The following PRCP variants were observed in gnomAD, a reference collection of about 807,000 sequenced individuals.
The protein encoded by PRCP is lysosomal Pro-X carboxypeptidase.
Under a neutral mutation model 54.2 loss-of-function variants are expected in PRCP, and 46 were observed. The ratio of observed to expected loss-of-function variants is 0.85; its 90% CI spans 0.67 to 1.09. The LOEUF is 1.09. Among genes scored for constraint, PRCP ranks in the 50% least tolerant of loss-of-function variants. The probability of loss-of-function intolerance (pLI) is 0.00; values close to 1 mark genes in which losing one functional copy is unlikely to be tolerated. For synonymous variants in PRCP, 240 were observed against 212.2 expected (o/e 1.13, Z -1.14); for missense variants, 613 against 596.8 (o/e 1.03, Z -0.28).
At chr11:82,864,742 T>C (rs1002197193) in intron 1 of PRCP, among the ~76,000 whole-genome samples, 1 of 152,188 alleles carries the variant, frequency 6.6e-6, no homozygotes, top group African/African-American at 2.4e-5. Flanking sequence ...TTATAATTTT[T>C]TTTATGGCCC....
intron 1 of PRCP, among the ~76,000 whole-genome samples, chr11:82,895,399 C>A (rs1860095595): frequency 6.6e-6 from 1 of 152,062 alleles, no homozygotes; most frequent in Admixed American, 6.5e-5. Context: ...TAGCTCCTGC[C>A]CTCAAGTGAT....
chr11:82,844,436 T>A (rs1041188218), intron 6 of PRCP, among the ~76,000 whole-genome samples: 17 of 142,252 alleles, frequency 1.2e-4, no homozygotes, highest in African/African-American at 2.6e-4. Context: ...AAAAAATAAA[T>A]AAAAGAAAGA....
chr11:82,871,989 C>A (rs1859492871), intron 1 of PRCP, among the ~76,000 whole-genome samples: 1 of 152,138 alleles, frequency 6.6e-6, no homozygotes, highest in Non-Finnish European at 1.5e-5. Flanking sequence ...CCATGGTCAA[C>A]CATGGTCAGA....
chr11:82,883,328 G>A lies in PRCP; in HGVS notation c.168+16907C>T, dbSNP rs150756507. On this transcript the variant is annotated intron_variant, in intron 1 of 8. Coordinates refer to ENST00000313010, the MANE Select transcript of PRCP (RefSeq NM_005040.4). ...GACCTGAGCAGTGAAAGATGAACAG[G>A]AGTTTGCTAGGGAGAGAAAGGAGGA... Among the ~76,000 whole-genome samples, 208 of 152,266 alleles carry A rather than the reference G, an allele frequency of 1.4e-3. 1 individual carries two copies. The highest frequency in any genetic ancestry group is 4.8e-3 in the African/African-American group (201 of 41,528).
In PRCP at chr11:82,900,414, G is replaced by A; in HGVS notation, c.-12C>T. On this transcript the variant is annotated 5_prime_UTR_variant, in exon 1 of 9. Coordinates refer to ENST00000313010, the MANE Select transcript of PRCP (RefSeq NM_005040.4). Reference sequence around the variant, plus strand: ...GCTCGGCGGCCCATGGCTCAGGCTGGAGACTGCAGTGCGGGTGGGAGGGCG... The same window carrying A: ...GCTCGGCGGCCCATGGCTCAGGCTGAAGACTGCAGTGCGGGTGGGAGGGCG... 6.2e-7 allele frequency: 1 copy of A among 1,612,524 alleles called. No individual in the cohort carries two copies. Among genetic ancestry groups the A allele is most frequent in the Non-Finnish European group, 8.5e-7 (1 of 1,179,776 alleles).
intron 1 of PRCP, among the ~76,000 whole-genome samples, chr11:82,898,835 A>G (rs879488864): frequency 6.7e-6 from 1 of 149,662 alleles, no homozygotes; most frequent in Non-Finnish European, 1.5e-5. Context: ...CTTGAACTCA[A>G]ATGTCTGGGT....
At chr11:82,835,562 G>A (rs2121082059) in intron 8 of PRCP, 2 of 287,236 alleles carry the variant, frequency 7.0e-6, no homozygotes, top group East Asian at 1.1e-4. Flanking sequence ...AGAAAAAGAA[G>A]AATCCCTTTA....
At position 82,864,871 on chromosome 11, in the gene PRCP, A is replaced by G. The variant is rs1859292964; in HGVS notation, c.169-4754T>C. Among the ~76,000 whole-genome samples the G allele has an allele frequency of 3.3e-5, 5 of 152,272 alleles. No individual in the cohort carries two copies. The South Asian group carries it at 1.0e-3, about 32-fold the overall frequency. ...AAATGATGTTTATTGTATAAAAGTA[A>G]TTATTTGGACTTTAAAACCACTCAA... On this transcript the variant is annotated intron_variant, in intron 1 of 8. Transcript: ENST00000313010.
chr11:82,840,072 T>G (rs1487665119), intron 6 of PRCP: 1 of 151,892 alleles, frequency 6.6e-6, no homozygotes, highest in Non-Finnish European at 1.5e-5. Flanking sequence ...AATGCAAAAT[T>G]TATAAAATCT....
intron 6 of PRCP, among the ~76,000 whole-genome samples, chr11:82,847,627 C>T (rs565830043): frequency 2.3e-4 from 35 of 152,004 alleles, no homozygotes; most frequent in Middle Eastern, 6.8e-3. Flanking sequence ...CTTTTTTTGA[C>T]GCAGGATCTA....
intron 1 of PRCP, among the ~76,000 whole-genome samples, chr11:82,864,167 C>T (rs561004814): frequency 6.6e-6 from 1 of 152,370 alleles, no homozygotes; most frequent in Admixed American, 6.5e-5. Flanking sequence ...TTAAGTTCTT[C>T]ACAGAATTAC....
chr11:82,870,042 T>C (rs1327194104), intron 1 of PRCP, among the ~76,000 whole-genome samples: 1 of 152,252 alleles, frequency 6.6e-6, no homozygotes, highest in Non-Finnish European at 1.5e-5. Context: ...ATCAGCATTT[T>C]ACCAAAGCAT....
chr11:82,897,118 A>C (rs887410549), intron 1 of PRCP, among the ~76,000 whole-genome samples: 6 of 152,234 alleles, frequency 3.9e-5, no homozygotes, highest in African/African-American at 1.2e-4. Flanking sequence ...CACACATACT[A>C]CACATGTACC....
chr11:82,855,671 C>A (rs948335568), intron 2 of PRCP, among the ~76,000 whole-genome samples: 1 of 151,850 alleles, frequency 6.6e-6, no homozygotes, highest in Non-Finnish European at 1.5e-5. Flanking sequence ...GAAAAAACAA[C>A]CCCATTAAAA....
At chr11:82,893,448 T>A (rs1474994352) in intron 1 of PRCP, among the ~76,000 whole-genome samples, 2 of 152,198 alleles carry the variant, frequency 1.3e-5, no homozygotes, top group African/African-American at 4.8e-5. Context: ...AACAAAATGG[T>A]ACAGATAAGT....
intron 8 of PRCP, among the ~76,000 whole-genome samples, chr11:82,836,037 C>CA (rs1858516746): frequency 6.6e-6 from 1 of 151,648 alleles, no homozygotes; most frequent in Non-Finnish European, 1.5e-5. Flanking sequence ...GCTAAAAATA[C>CA]AAAAAATTAG....
intron 6 of PRCP, among the ~76,000 whole-genome samples, chr11:82,845,034 TA>T (rs11348532): frequency 0.18 from 21,508 of 116,694 alleles, 1,565 homozygotes; most frequent in Middle Eastern, 0.24. Flanking sequence ...TATGTAATAG[TA>T]AAAAAAAAAA....
At chr11:82,900,526 C>T (rs1176329847), upstream of PRCP, 18 of 1,334,328 alleles carry the variant, frequency 1.3e-5, no homozygotes, top group East Asian at 2.5e-4. Context: ...CAGGGGAAAC[C>T]CAAAGCCAGC....
intron 2 of PRCP, among the ~76,000 whole-genome samples, chr11:82,857,026 C>A (rs1859107148): frequency 1.1e-5 from 1 of 94,188 alleles, no homozygotes; most frequent in South Asian, 4.4e-4. Flanking sequence ...CAGAGCGAGC[C>A]TCTGTCTCAA....
Sources: gnomAD v4.1 joint callset for allele counts (sites outside exome capture counted in the v4.1 genomes callset) on GRCh38, gnomAD v4.1.1 for gene constraint, MANE v1.5 for transcripts, NCBI Gene and HGNC (gene_info 2026-07-23, HGNC 2026-07-21) for gene names.